EYS: variants seen among roughly 807,000 people sequenced by gnomAD.
The protein encoded by EYS is protein eyes shut homolog.
In EYS, 250 loss-of-function variants were observed where a neutral mutation model predicts 282.1. The observed-to-expected ratio is 0.89, with a 90% CI of 0.80 to 0.98. The LOEUF (loss-of-function observed/expected upper bound fraction) is 0.98, where lower values mean the gene tolerates loss of function less well. Among genes scored for constraint, EYS ranks in the 50% least tolerant of loss-of-function variants. The pLI is 0.00. For synonymous variants in EYS, 1,355 were observed against 1,282.9 expected, an observed-to-expected ratio of 1.06 and a Z score of -1.20; for missense variants, 4,016 against 3,709.0, an observed-to-expected ratio of 1.08 and a Z score of -2.15.
intron 33 of EYS, among the ~76,000 whole-genome samples, chr6:64,060,126 T>C (rs1174870631): frequency 6.6e-6 from 1 of 152,200 alleles, no homozygotes; most frequent in African/African-American, 2.4e-5. Flanking sequence ...GTGAAGGCTC[T>C]CACATAGTTT....
At chr6:63,901,915 C>T (rs1773668557) in intron 35 of EYS, among the ~76,000 whole-genome samples, 1 of 152,074 alleles carries the variant, frequency 6.6e-6, no homozygotes, top group African/African-American at 2.4e-5. Flanking sequence ...TTAATTGAGA[C>T]AGAGTCTCAC....
At chr6:64,336,676 C>T (rs1770860800) in intron 29 of EYS, among the ~76,000 whole-genome samples, 1 of 152,066 alleles carries the variant, frequency 6.6e-6, no homozygotes, top group Non-Finnish European at 1.5e-5. Flanking sequence ...AATACACATT[C>T]TATTCAACAG....
chr6:65,637,658 G>T (rs1767136938), intron 2 of EYS, among the ~76,000 whole-genome samples: 1 of 152,186 alleles, frequency 6.6e-6, no homozygotes, highest in Admixed American at 6.5e-5. Context: ...CCCACTTCCA[G>T]CACCCACTCT....
chr6:65,573,118 T>C (rs908697643), intron 2 of EYS, among the ~76,000 whole-genome samples: 33 of 152,122 alleles, frequency 2.2e-4, no homozygotes, highest in African/African-American at 7.7e-4. Context: ...GTCACAAAGA[T>C]TGCGGAGTGG....
intron 36 of EYS, among the ~76,000 whole-genome samples, chr6:63,851,899 T>C (rs1772261915): frequency 6.6e-6 from 1 of 152,142 alleles, no homozygotes; most frequent in Non-Finnish European, 1.5e-5. Flanking sequence ...GGCTCATGCC[T>C]GTAATCCCAG....
At chr6:65,600,627 T>A (rs1765583502) in intron 2 of EYS, among the ~76,000 whole-genome samples, 1 of 152,078 alleles carries the variant, frequency 6.6e-6, no homozygotes. Flanking sequence ...GTAATTTACG[T>A]GCATTTTGTG....
rs530280960 is a variant in EYS at position 64,208,274 on chromosome 6, GTTGTAATA to G, written c.6424+22310_6424+22317del. Among the ~76,000 whole-genome samples, 58 of 152,162 alleles carry G rather than the reference GTTGTAATA, an allele frequency of 3.8e-4. No homozygotes were observed. In the East Asian group the frequency reaches 8.1e-3, roughly 21 times the overall value. On this transcript the variant is annotated intron_variant, in intron 31 of 42. Coordinates refer to ENST00000503581, the MANE Select transcript of EYS (RefSeq NM_001142800.2). ...TTCTGTCTGATTTCCTCCAATATTG[GTTGTAATA>G]TTATGCAGCCTTTTAAAGCCATTTA... is the stretch of plus-strand genomic sequence containing the variant.
At chr6:64,519,023 A>G (rs1777650062) in intron 26 of EYS, among the ~76,000 whole-genome samples, 1 of 151,818 alleles carries the variant, frequency 6.6e-6, no homozygotes, top group Non-Finnish European at 1.5e-5. Flanking sequence ...AAATAAAACC[A>G]GAAGCAGCTA....
intron 35 of EYS, among the ~76,000 whole-genome samples, chr6:63,923,335 T>C (rs945539507): frequency 1.3e-5 from 2 of 152,184 alleles, no homozygotes; most frequent in Non-Finnish European, 2.9e-5. Context: ...CTACCCACCA[T>C]ACACTAGGTG....
intron 1 of EYS, 31 bp downstream of exon 1, chr6:65,707,104 T>C (rs1165273910): frequency 3.3e-5 from 5 of 152,124 alleles, no homozygotes; most frequent in Admixed American, 3.3e-4. Context: ...AATAGAAAAA[T>C]AATTTCTAGG....
intron 22 of EYS, among the ~76,000 whole-genome samples, chr6:64,661,036 G>A (rs1270822097): frequency 2.6e-5 from 4 of 152,142 alleles, no homozygotes; most frequent in Non-Finnish European, 5.9e-5. Flanking sequence ...TACCAAAACA[G>A]AGATATAGAC....
At chr6:64,822,872 T>C (rs1289987099) in intron 19 of EYS, 50 bp from the exon 20 acceptor site, 3 of 1,470,098 alleles carry the variant, frequency 2.0e-6, no homozygotes, top group Non-Finnish European at 2.8e-6. Flanking sequence ...AATACAAAAC[T>C]CTTAAAAGTT....
rs1321762622 is a variant in EYS at position 65,405,384 on chromosome 6, A to G, written c.863-17T>C. On this transcript the variant is annotated splice_polypyrimidine_tract_variant and intron_variant, in intron 5 of 42. Coordinates refer to ENST00000503581, the MANE Select transcript of EYS (RefSeq NM_001142800.2). ...AGAATGGACCTTAAAAAAATCACAC[A>G]CAAGAAAAAAAAAGAAAAGGAAGGA... 3 of 1,555,800 alleles carry G rather than the reference A, an allele frequency of 1.9e-6. No individual in the cohort carries two copies. The highest frequency in any genetic ancestry group is 2.6e-6 in the Non-Finnish European group (3 of 1,146,556).
chr6:65,082,497 C>T, intron 12 of EYS, among the ~76,000 whole-genome samples: 1 of 152,158 alleles, frequency 6.6e-6, no homozygotes, highest in South Asian at 2.1e-4. Flanking sequence ...ATTTTAGTTA[C>T]AGATATCTCA....
At chr6:65,636,989 T>C in intron 2 of EYS, among the ~76,000 whole-genome samples, 1 of 151,764 alleles carries the variant, frequency 6.6e-6, no homozygotes. Context: ...GTTGTTTTTT[T>C]AAAAAATTTT....
chr6:64,698,505 G>GCTT (rs1188201591), intron 22 of EYS, among the ~76,000 whole-genome samples: 9 of 151,926 alleles, frequency 5.9e-5, no homozygotes, highest in Non-Finnish European at 1.2e-4. Context: ...AAATTTAAGG[G>GCTT]CTTCTACACA....
chr6:64,183,843 CCT>C (rs1367310262), intron 31 of EYS, among the ~76,000 whole-genome samples: 1 of 151,966 alleles, frequency 6.6e-6, no homozygotes, highest in Non-Finnish European at 1.5e-5. Context: ...TGGCAGGTCT[CCT>C]CTCTTGAATT....
chr6:65,148,034 G>A (rs889205349), intron 12 of EYS, among the ~76,000 whole-genome samples: 1 of 152,012 alleles, frequency 6.6e-6, no homozygotes, highest in African/African-American at 2.4e-5. Context: ...TGGGGATTAC[G>A]GGAACCACAA....
intron 33 of EYS, among the ~76,000 whole-genome samples, chr6:64,015,287 A>G (rs1359607405): frequency 6.6e-6 from 1 of 152,210 alleles, no homozygotes; most frequent in Non-Finnish European, 1.5e-5. Flanking sequence ...CACATCTCAT[A>G]TAAAGAGAAA....
Sources: gnomAD v4.1 joint callset for allele counts (sites outside exome capture counted in the v4.1 genomes callset) on GRCh38, gnomAD v4.1.1 for gene constraint, MANE v1.5 for transcripts, NCBI Gene and HGNC (gene_info 2026-07-23, HGNC 2026-07-21) for gene names.